The following GRM8 variants were observed in gnomAD, a reference collection of about 807,000 sequenced individuals.
The protein encoded by GRM8 is glutamate metabotropic receptor 8, also known as metabotropic glutamate receptor 8.
Under a neutral mutation model 87.2 loss-of-function variants are expected in GRM8, and 47 were observed. That is an observed-to-expected ratio of 0.54 (90% CI 0.43 to 0.69). The LOEUF (loss-of-function observed/expected upper bound fraction) is 0.69. GRM8 is among the 30% of genes least tolerant of loss of function. The pLI, the probability that GRM8 is intolerant of heterozygous loss-of-function variation, is 0.00. For synonymous variants in GRM8, 396 were observed against 404.5 expected (o/e 0.98, Z 0.25); for missense variants, 1,019 against 1,139.2 (o/e 0.89, Z 1.52).
chr7:127,172,682 C>A, intron 2 of GRM8, among the ~76,000 whole-genome samples: 1 of 149,308 alleles, frequency 6.7e-6, no homozygotes. Flanking sequence ...GCACTCCAGG[C>A]TGGGTGACAG....
At chr7:127,208,444 C>A (rs556665369) in intron 2 of GRM8, among the ~76,000 whole-genome samples, 103 of 152,312 alleles carry the variant, frequency 6.8e-4, no homozygotes, top group African/African-American at 2.4e-3. Flanking sequence ...GGCCAGACCA[C>A]AGGCTATAAC....
At chr7:127,021,383 C>T (rs1221215714) in intron 3 of GRM8, among the ~76,000 whole-genome samples, 5 of 147,986 alleles carry the variant, frequency 3.4e-5, no homozygotes, top group Admixed American at 7.0e-5. Flanking sequence ...TATAATAAGC[C>T]CAAGCCTAAA....
intron 2 of GRM8, among the ~76,000 whole-genome samples, chr7:127,199,179 C>T (rs932259193): frequency 6.6e-6 from 1 of 151,438 alleles, no homozygotes; most frequent in Non-Finnish European, 1.5e-5. Context: ...CACTATGTTG[C>T]CCCCAGGCTG....
intron 7 of GRM8, among the ~76,000 whole-genome samples, chr7:126,769,453 C>T (rs1047414039): frequency 1.6e-4 from 25 of 152,050 alleles, no homozygotes; most frequent in African/African-American, 5.6e-4. Context: ...CCAAGTCATC[C>T]ATTTTCTTCA....
At chr7:126,675,281 C>T (rs1469140455) in intron 7 of GRM8, among the ~76,000 whole-genome samples, 2 of 152,048 alleles carry the variant, frequency 1.3e-5, no homozygotes, top group African/African-American at 4.8e-5. Flanking sequence ...AAACCAAAAT[C>T]AGATGGATTC....
intron 3 of GRM8, among the ~76,000 whole-genome samples, chr7:126,919,969 G>A (rs945442937): frequency 1.8e-4 from 28 of 152,286 alleles, no homozygotes; most frequent in African/African-American, 6.5e-4. Flanking sequence ...GTTATAAACT[G>A]AATGTCTGTG....
chr7:126,863,553 T>A (rs1798323643), intron 6 of GRM8, among the ~76,000 whole-genome samples: 1 of 152,156 alleles, frequency 6.6e-6, no homozygotes, highest in African/African-American at 2.4e-5. Flanking sequence ...ACAAGCTTAG[T>A]CAAACCCATA....
intron 8 of GRM8, among the ~76,000 whole-genome samples, chr7:126,608,342 C>T (rs1024202854): frequency 6.6e-6 from 1 of 152,148 alleles, no homozygotes; most frequent in Non-Finnish European, 1.5e-5. Context: ...TGAAGTTCCT[C>T]CTCCGTACTG....
At chr7:126,931,960 C>T (rs1212611070) in intron 3 of GRM8, among the ~76,000 whole-genome samples, 2 of 152,142 alleles carry the variant, frequency 1.3e-5, no homozygotes, top group Admixed American at 1.3e-4. Context: ...ATTCCAAAGC[C>T]CTCATTTTTC....
chr7:126,844,992 A>G (rs1325328221), intron 6 of GRM8, among the ~76,000 whole-genome samples: 3 of 152,142 alleles, frequency 2.0e-5, no homozygotes, highest in Admixed American at 6.6e-5. Context: ...AGTAAGTGGG[A>G]TCCAGGATTT....
chr7:127,175,103 C>T (rs1183211357), intron 2 of GRM8, among the ~76,000 whole-genome samples: 1 of 151,944 alleles, frequency 6.6e-6, no homozygotes, highest in African/African-American at 2.4e-5. Flanking sequence ...GCTTACCCAC[C>T]TAATGAAAAA....
At position 126,928,638 on chromosome 7, in the gene GRM8, C is replaced by T. The variant is rs148597585; in HGVS notation, c.728-23955G>A. ...AGTGAGCCAAGGTCATGCCAGTGTA[C>T]TCCAGCATGGACAACACAGTTAGAC... On this transcript the variant is annotated intron_variant, in intron 3 of 10. Coordinates refer to ENST00000339582, the MANE Select transcript of GRM8 (RefSeq NM_000845.3). 3.4e-4 allele frequency among the ~76,000 whole-genome samples: 50 copies of T among 148,914 alleles called. No homozygotes were observed. The East Asian group carries it at 9.7e-3, about 29-fold the overall frequency.
chr7:126,792,088 G>A (rs893242894), intron 6 of GRM8, among the ~76,000 whole-genome samples: 16 of 152,146 alleles, frequency 1.1e-4, no homozygotes, highest in African/African-American at 3.9e-4. Context: ...TGTTATCCCA[G>A]TACCTGGAGA....
chr7:126,807,940 A>T (rs548846615), intron 6 of GRM8, among the ~76,000 whole-genome samples: 8 of 152,324 alleles, frequency 5.3e-5, no homozygotes, highest in Non-Finnish European at 4.4e-5. Context: ...ATCCTAAATG[A>T]CAAAAATGGA....
At chr7:127,207,865 C>G (rs891554114) in intron 2 of GRM8, among the ~76,000 whole-genome samples, 2 of 152,158 alleles carry the variant, frequency 1.3e-5, no homozygotes, top group Admixed American at 1.3e-4. Flanking sequence ...CCATGCCAGG[C>G]AAGGGTTAAG....
Position 127,015,262 on chromosome 7 carries a change from AAGAGAG to A in GRM8, c.727+91228_727+91233del, listed in dbSNP as rs111707931. 8.0e-4 allele frequency among the ~76,000 whole-genome samples: 88 copies of A among 110,552 alleles called. 4 individuals are homozygous for A. The highest frequency in any genetic ancestry group is 2.2e-3 in the African/African-American group (66 of 29,588). The allele number at this position is 110,552 out of a possible 152,430, so 72.5% of individuals were successfully genotyped here. On this transcript the variant is annotated intron_variant, in intron 3 of 10. Coordinates refer to ENST00000339582, the MANE Select transcript of GRM8 (RefSeq NM_000845.3). ...AGAAGAAGAAGAAGAAGAAGAAGAAAAGAGAGAGAGAGAGAGAGAGAGAATGAACAT... is the reference window on the plus strand; with the variant it reads ...AGAAGAAGAAGAAGAAGAAGAAGAAAAGAGAGAGAGAGAGAGAATGAACAT...
chr7:126,900,270 A>G (rs1242594115), intron 6 of GRM8, among the ~76,000 whole-genome samples: 1 of 151,966 alleles, frequency 6.6e-6, no homozygotes, highest in Non-Finnish European at 1.5e-5. Flanking sequence ...ACACCTAACC[A>G]TTCTATTTAT....
intron 3 of GRM8, among the ~76,000 whole-genome samples, chr7:127,065,048 A>C (rs1820973699): frequency 6.6e-6 from 1 of 152,262 alleles, no homozygotes; most frequent in South Asian, 2.1e-4. Flanking sequence ...TCATTCTACT[A>C]TAAAGACACA....
intron 6 of GRM8, among the ~76,000 whole-genome samples, chr7:126,866,547 C>T (rs1452828190): frequency 7.4e-6 from 1 of 134,294 alleles, no homozygotes; most frequent in African/African-American, 2.8e-5. Context: ...GGCTCCAGAT[C>T]TTACATTCAA....
Sources: allele counts gnomAD v4.1 joint callset (sites outside exome capture counted in the v4.1 genomes callset), GRCh38; gene constraint gnomAD v4.1.1; transcripts MANE v1.5; gene names NCBI Gene and HGNC (gene_info 2026-07-23, HGNC 2026-07-21).